The following PPM1E variants were observed in gnomAD, a reference collection of about 807,000 sequenced individuals.
PPM1E encodes the protein protein phosphatase 1E.
A neutral mutation model predicts 65.9 loss-of-function variants in PPM1E; 20 were observed. The ratio of observed to expected loss-of-function variants is 0.30; its 90% CI spans 0.21 to 0.44. The LOEUF (loss-of-function observed/expected upper bound fraction) is 0.44, where lower values mean the gene tolerates loss of function less well. Among genes scored for constraint, PPM1E ranks in the 20% least tolerant of loss-of-function variants. The pLI is 1.00. For missense variants in PPM1E, 713 were observed against 953.1 expected, an observed-to-expected ratio of 0.75 and a Z score of 3.32; for synonymous variants, 352 against 374.9, an observed-to-expected ratio of 0.94 and a Z score of 0.70.
intron 1 of PPM1E, among the ~76,000 whole-genome samples, chr17:58,877,576 G>A (rs1399321110): frequency 6.6e-6 from 1 of 152,138 alleles, no homozygotes; most frequent in Non-Finnish European, 1.5e-5. Context: ...AGTTATAAAT[G>A]GTAGGTTCCT....
chr17:58,928,655 GCCCAAGAAAAATGAAAACATATA>G (rs2051853416), intron 1 of PPM1E, among the ~76,000 whole-genome samples: 1 of 151,172 alleles, frequency 6.6e-6, no homozygotes, highest in South Asian at 2.1e-4. Context: ...CTTGGTATTT[GCCCAAGAAAAATGAAAACATATA>G]TCTACGAAAT....
chr17:58,899,488 T>C, intron 1 of PPM1E: 1 of 233,358 alleles, frequency 4.3e-6, no homozygotes, highest in Non-Finnish European at 9.0e-6. Context: ...GTATGTCACG[T>C]TGGTGGAGGC....
Position 58,871,519 on chromosome 17 carries a change from A to G in PPM1E, c.465-84130A>G, listed in dbSNP as rs147990671. 4.6e-5 allele frequency among the ~76,000 whole-genome samples: 7 copies of G among 152,238 alleles called. No individual in the cohort carries two copies. The East Asian group carries it at 1.4e-3, about 29-fold the overall frequency. On this transcript the variant is annotated intron_variant, in intron 1 of 6. Transcript: ENST00000308249. ...GAGCCTTTTGTAGTTTTAATTACTC[A>G]AGAAGAAACTTTAGGCCAGGCACAG...
At chr17:58,812,151 C>T (rs1353386182) in intron 1 of PPM1E, among the ~76,000 whole-genome samples, 2 of 150,346 alleles carry the variant, frequency 1.3e-5, no homozygotes, top group South Asian at 2.1e-4. Context: ...ATAGGGATTT[C>T]TAATTAGCCA....
chr17:58,776,465 A>G (rs574051970), intron 1 of PPM1E, among the ~76,000 whole-genome samples: 8 of 152,330 alleles, frequency 5.3e-5, no homozygotes, highest in African/African-American at 1.9e-4. Flanking sequence ...AATTATATAT[A>G]AAATATGTTT....
intron 1 of PPM1E, among the ~76,000 whole-genome samples, chr17:58,938,155 A>G (rs528735574): frequency 6.6e-6 from 1 of 152,296 alleles, no homozygotes; most frequent in African/African-American, 2.4e-5. Flanking sequence ...CCTTTGTCCC[A>G]TCTTTGAAAT....
At position 58,761,710 on chromosome 17, in the gene PPM1E, G is replaced by A. The variant is rs545840121; in HGVS notation, c.464+5249G>A. Among the ~76,000 whole-genome samples, 22 of 151,980 alleles carry A rather than the reference G, an allele frequency of 1.4e-4. 1 individual carries two copies. Among genetic ancestry groups the A allele is most frequent in the Admixed American group, 9.8e-4 (15 of 15,270 alleles). Reference sequence around the variant, plus strand: ...TTCCTTGAGGAAGCCTTTGCTTACCGTCCTCACACTCATCATGAGTTAGGG... The same window carrying A: ...TTCCTTGAGGAAGCCTTTGCTTACCATCCTCACACTCATCATGAGTTAGGG... On this transcript the variant is annotated intron_variant, in intron 1 of 6. Transcript: ENST00000308249.
intron 1 of PPM1E, among the ~76,000 whole-genome samples, chr17:58,864,214 C>T (rs1380924710): frequency 3.3e-5 from 5 of 152,086 alleles, no homozygotes; most frequent in Non-Finnish European, 7.3e-5. Context: ...GACAGCATAT[C>T]TGCTGCCTGT....
At chr17:58,832,547 T>G (rs895464702) in intron 1 of PPM1E, among the ~76,000 whole-genome samples, 101 of 152,316 alleles carry the variant, frequency 6.6e-4, no homozygotes, top group African/African-American at 2.4e-3. Context: ...GGTGCTCCTT[T>G]TTAAAAATAA....
intron 1 of PPM1E, among the ~76,000 whole-genome samples, chr17:58,948,954 C>G (rs2052200190): frequency 6.6e-6 from 1 of 152,120 alleles, no homozygotes; most frequent in Admixed American, 6.5e-5. Flanking sequence ...GAGAATGTTC[C>G]ATTTGCTAAT....
intron 1 of PPM1E, among the ~76,000 whole-genome samples, chr17:58,811,373 A>G (rs895726575): frequency 2.0e-5 from 3 of 152,196 alleles, no homozygotes; most frequent in Non-Finnish European, 4.4e-5. Context: ...TAATACCATA[A>G]AATAGGACTC....
chr17:58,935,294 C>G (rs1011990568), intron 1 of PPM1E, among the ~76,000 whole-genome samples: 2 of 150,756 alleles, frequency 1.3e-5, no homozygotes, highest in African/African-American at 4.9e-5. Flanking sequence ...TTGATAATGT[C>G]TATGCAAAAA....
At chr17:58,821,986 C>T (rs185235431) in intron 1 of PPM1E, among the ~76,000 whole-genome samples, 16 of 152,144 alleles carry the variant, frequency 1.1e-4, no homozygotes, top group East Asian at 1.9e-4. Flanking sequence ...TTTTGAAAGG[C>T]GATCAAGGAA....
At chr17:58,805,923 T>C (rs2050300520) in intron 1 of PPM1E, among the ~76,000 whole-genome samples, 1 of 136,158 alleles carries the variant, frequency 7.3e-6, no homozygotes, top group Non-Finnish European at 1.5e-5. Context: ...TGGTAACTTT[T>C]TAATAGGAGG....
intron 1 of PPM1E, among the ~76,000 whole-genome samples, chr17:58,820,015 A>G (rs1214430325): frequency 6.6e-6 from 1 of 151,996 alleles, no homozygotes; most frequent in Non-Finnish European, 1.5e-5. Context: ...CCAGCCTGGG[A>G]GACAAAGCCA....
chr17:58,834,961 T>C (rs1417323966), intron 1 of PPM1E, among the ~76,000 whole-genome samples: 1 of 152,188 alleles, frequency 6.6e-6, no homozygotes, highest in Non-Finnish European at 1.5e-5. Context: ...CAACTGCAGA[T>C]CAATTTCGAG....
At chr17:58,769,478 T>G (rs1364364299) in intron 1 of PPM1E, among the ~76,000 whole-genome samples, 1 of 152,048 alleles carries the variant, frequency 6.6e-6, no homozygotes, top group East Asian at 1.9e-4. Flanking sequence ...GTACCTGTAG[T>G]CCCAGCTACT....
chr17:58,928,629 C>G (rs1301044933), intron 1 of PPM1E, among the ~76,000 whole-genome samples: 1 of 151,744 alleles, frequency 6.6e-6, no homozygotes. Context: ...TTCCCTGTGA[C>G]CCAGCAATTT....
At chr17:58,785,104 G>C (rs1432694602) in intron 1 of PPM1E, among the ~76,000 whole-genome samples, 1 of 151,828 alleles carries the variant, frequency 6.6e-6, no homozygotes, top group Non-Finnish European at 1.5e-5. Context: ...TATAGTTTTA[G>C]CTTTTCATTT....
Sources: allele counts gnomAD v4.1 joint callset (sites outside exome capture counted in the v4.1 genomes callset), GRCh38; gene constraint gnomAD v4.1.1; transcripts MANE v1.5; gene names NCBI Gene and HGNC (gene_info 2026-07-23, HGNC 2026-07-21).